ELMOD3: variants seen among roughly 807,000 people sequenced by gnomAD.
ELMOD3 encodes the protein ELMO domain-containing protein 3.
Under a neutral mutation model 47.4 loss-of-function variants are expected in ELMOD3, and 36 were observed. The observed-to-expected ratio is 0.76, with a 90% CI of 0.58 to 1.00. The LOEUF is 1.00. Ranked by LOEUF, ELMOD3 falls within the 50% of genes least tolerant of loss-of-function variation. The pLI is 0.00. For synonymous variants in ELMOD3, 149 were observed against 183.5 expected (o/e 0.81, Z 1.52); for missense variants, 404 against 463.8 (o/e 0.87, Z 1.18).
chr2:85,382,009 C>G (rs930810088), intron 11 of ELMOD3, among the ~76,000 whole-genome samples: 1 of 142,754 alleles, frequency 7.0e-6, no homozygotes, highest in African/African-American at 2.6e-5. Context: ...CCCAGCTACT[C>G]GGGAGGCTGA....
chr2:85,366,983 A>G (rs7340340), intron 6 of ELMOD3, among the ~76,000 whole-genome samples: 96,593 of 152,098 alleles, frequency 0.64, 31,177 homozygotes, highest in African/African-American at 0.71. Context: ...TGCCGCTAGC[A>G]GTTTGAGCCA....
chr2:85,369,652 T>A, intron 7 of ELMOD3, 87 bp from the exon 8 acceptor site: 1 of 1,412,518 alleles, frequency 7.1e-7, no homozygotes, highest in Non-Finnish European at 9.8e-7. Context: ...GTGCTTGGCT[T>A]GGAAGTGACA....
chr2:85,390,678 G>A (rs1016208994), intron 13 of ELMOD3, 82 bp from the exon 14 acceptor site: 118 of 1,518,208 alleles, frequency 7.8e-5, no homozygotes, highest in Admixed American at 4.9e-4. Context: ...GTACTCCCTA[G>A]AGCTGCTAGG....
At chr2:85,362,340 C>T (rs571905853) in intron 5 of ELMOD3, 80 bp downstream of exon 5, 25 of 906,038 alleles carry the variant, frequency 2.8e-5, no homozygotes, top group Admixed American at 1.5e-4. Flanking sequence ...CTGTGGTAGA[C>T]GCTGGGGACA....
chr2:85,368,794 G>T, intron 7 of ELMOD3, 40 bp downstream of exon 7: 1 of 1,606,618 alleles, frequency 6.2e-7, no homozygotes, highest in Non-Finnish European at 8.5e-7. Context: ...TAGCCCCTCT[G>T]CCAGCAAAGG....
chr2:85,357,250 C>T lies in ELMOD3; in HGVS notation c.52C>T (p.Gln18Ter). ...FHSKEELRDG[Q>*]GERLSAGYSP... is the part of the protein sequence containing the mutation. ...TAGTAAAGAAGAATTAAGAGATGGA[C>T]AGGTAAGCATGCACTCTTATTTGGG... The change falls in exon 4 of 14, where the codon CAG becomes TAG. Residue 18 changes from glutamine to a stop codon, truncating the protein, a stop_gained and splice_region_variant. Transcript: ENST00000409013. LOFTEE classifies it high-confidence loss of function. The T allele has an allele frequency of 1.9e-6, 3 of 1,594,446 alleles. No individual in the cohort carries two copies. The highest frequency in any genetic ancestry group is 2.6e-6 in the Non-Finnish European group (3 of 1,164,110).
At chr2:85,379,485 G>C (rs1685403894) in intron 11 of ELMOD3, among the ~76,000 whole-genome samples, 1 of 152,240 alleles carries the variant, frequency 6.6e-6, no homozygotes, top group Non-Finnish European at 1.5e-5. Context: ...GATTACAGGT[G>C]TGAGCCACCG....
chr2:85,369,321 A>G (rs1183134778), intron 7 of ELMOD3, among the ~76,000 whole-genome samples: 1 of 152,158 alleles, frequency 6.6e-6, no homozygotes, highest in Non-Finnish European at 1.5e-5. Flanking sequence ...TTAATTCCCT[A>G]TTGGCTATAA....
intron 11 of ELMOD3, chr2:85,387,298 T>C: frequency 1.0e-6 from 1 of 960,998 alleles, no homozygotes. Flanking sequence ...TTTGCACATG[T>C]GATCTTAAGT....
chr2:85,372,442 T>C (rs997243466), intron 10 of ELMOD3: 1 of 152,210 alleles, frequency 6.6e-6, no homozygotes, highest in South Asian at 2.1e-4. Flanking sequence ...GTAAGTGATA[T>C]GGAAAACACT....
At chr2:85,372,722 T>G (rs1684880285) in intron 10 of ELMOD3, 1 of 150,522 alleles carries the variant, frequency 6.6e-6, no homozygotes, top group African/African-American at 2.4e-5. Context: ...AAACCCCAAT[T>G]CTACTAAAAA....
intron 11 of ELMOD3, among the ~76,000 whole-genome samples, chr2:85,381,098 C>T (rs138103623): frequency 7.9e-4 from 121 of 152,228 alleles, no homozygotes; most frequent in African/African-American, 2.7e-3. Context: ...AATCGTACAC[C>T]ATTTCATATT....
chr2:85,359,030 C>T (rs113782558), intron 4 of ELMOD3, among the ~76,000 whole-genome samples: 42 of 152,208 alleles, frequency 2.8e-4, no homozygotes, highest in Non-Finnish European at 5.0e-4. Flanking sequence ...AAGTAAAGCA[C>T]TTTCTCATTT....
intron 6 of ELMOD3, among the ~76,000 whole-genome samples, chr2:85,364,164 A>G (rs1434396675): frequency 4.7e-5 from 7 of 150,230 alleles, no homozygotes; most frequent in Non-Finnish European, 8.9e-5. Flanking sequence ...TGTTAGGGAC[A>G]GGGCCTTGCT....
chr2:85,382,116 CAAA>C (rs59898267), intron 11 of ELMOD3, among the ~76,000 whole-genome samples: 28 of 39,892 alleles, frequency 7.0e-4, no homozygotes, highest in African/African-American at 2.8e-3. Flanking sequence ...GACTCCTTCT[CAAA>C]AAAAAAAAAA....
At chr2:85,377,625 T>C in intron 11 of ELMOD3, 151 bp downstream of exon 11, 1 of 694,508 alleles carries the variant, frequency 1.4e-6, no homozygotes, top group East Asian at 3.3e-5. Flanking sequence ...TACCGCTCAT[T>C]AGCTGTGTAG....
In ELMOD3 at chr2:85,366,653, G is replaced by C. The variant is rs140581101; in HGVS notation, c.200-2033G>C. 7.2e-3 allele frequency among the ~76,000 whole-genome samples: 1,102 copies of C among 152,356 alleles called. 8 individuals carry two copies. Among genetic ancestry groups the C allele is most frequent in the Non-Finnish European group, 0.012 (823 of 68,034 alleles). ...GCCTGAAGACATACAGCTAGTAAGA[G>C]GCAGAGATGAAGCATTCACAAGTAG... On this transcript the variant is annotated intron_variant, in intron 6 of 13. Coordinates refer to ENST00000409013, the MANE Select transcript of ELMOD3 (RefSeq NM_001135022.2).
intron 6 of ELMOD3, chr2:85,368,325 G>A (rs1453209603): frequency 4.5e-5 from 10 of 224,434 alleles, no homozygotes; most frequent in Non-Finnish European, 8.1e-5. Flanking sequence ...GTACTCAGGA[G>A]GCTGAGGCAG....
At chr2:85,368,596 G>C in intron 6 of ELMOD3, 90 bp from the exon 7 acceptor site, 1 of 1,345,592 alleles carries the variant, frequency 7.4e-7, no homozygotes, top group Non-Finnish European at 1.1e-6. Flanking sequence ...AAAAAAATAG[G>C]CCCAAGGCAG....
Sources: gnomAD v4.1 joint callset for allele counts (sites outside exome capture counted in the v4.1 genomes callset) on GRCh38, gnomAD v4.1.1 for gene constraint, MANE v1.5 for transcripts, NCBI Gene and HGNC (gene_info 2026-07-23, HGNC 2026-07-21) for gene names.